The following LURAP1 variants were observed in gnomAD, a reference collection of about 807,000 sequenced individuals.
LURAP1 encodes leucine rich adaptor protein 1.
Under a neutral mutation model 19.0 loss-of-function variants are expected in LURAP1, and 14 were observed. The ratio of observed to expected loss-of-function variants is 0.74; its 90% CI spans 0.49 to 1.15. The LOEUF is 1.15. LURAP1 is among the 50% of genes most tolerant of loss of function. The probability of loss-of-function intolerance (pLI) is 0.00; values close to 1 mark genes in which losing one functional copy is unlikely to be tolerated. For missense variants in LURAP1, 273 were observed against 309.1 expected (o/e 0.88, Z 0.87); for synonymous variants, 129 against 131.8 (o/e 0.98, Z 0.14).
intron 1 of LURAP1, among the ~76,000 whole-genome samples, chr1:46,204,405 C>T (rs879730656): frequency 2.0e-5 from 3 of 152,178 alleles, no homozygotes; most frequent in Admixed American, 2.0e-4. Context: ...TCCCCAGGGC[C>T]CTGATTCCGG....
chr1:46,210,278 T>G (rs191074544), intron 1 of LURAP1, among the ~76,000 whole-genome samples: 69 of 152,294 alleles, frequency 4.5e-4, no homozygotes, highest in Middle Eastern at 3.4e-3. Context: ...GTGTGTGTGT[T>G]TTTTTAATTT....
chr1:46,217,281 A>G (rs1178901925), intron 1 of LURAP1, among the ~76,000 whole-genome samples: 1 of 152,202 alleles, frequency 6.6e-6, no homozygotes, highest in Non-Finnish European at 1.5e-5. Flanking sequence ...AGAACGTGTC[A>G]TGCATTCAAA....
At chr1:46,215,752 T>C (rs574808521) in intron 1 of LURAP1, among the ~76,000 whole-genome samples, 10 of 152,108 alleles carry the variant, frequency 6.6e-5, no homozygotes, top group South Asian at 2.1e-4. Flanking sequence ...ATTTAAAAAT[T>C]AGCCAGGTGT....
In LURAP1 at chr1:46,219,849, G is replaced by A. The variant is rs369272827; in HGVS notation, c.349G>A (p.Gly117Arg). ...CAGCAGTCAATATAGCCTGACAGGC[G>A]GGAGCCCAGGCCGCTCAAGGCGAGG... ...LTSSQYSLTG[G>R]SPGRSRRGSW... Residue 117 changes from glycine to arginine, a missense_variant, in exon 2 of 2, where the codon GGG (glycine) becomes AGG (arginine). Coordinates refer to ENST00000371980, the MANE Select transcript of LURAP1 (RefSeq NM_001013615.3). The A allele has an allele frequency of 8.7e-5, 140 of 1,613,988 alleles. No homozygotes were observed. Among genetic ancestry groups the A allele is most frequent in the Non-Finnish European group, 1.1e-4 (131 of 1,180,010 alleles).
At chr1:46,212,680 G>C (rs1160676124) in intron 1 of LURAP1, among the ~76,000 whole-genome samples, 1 of 151,970 alleles carries the variant, frequency 6.6e-6, no homozygotes, top group African/African-American at 2.4e-5. Flanking sequence ...GGGTTCAAGT[G>C]ATTCTCCTGC....
At chr1:46,219,134 A>G (rs1222570548) in intron 1 of LURAP1, among the ~76,000 whole-genome samples, 1 of 151,964 alleles carries the variant, frequency 6.6e-6, no homozygotes, top group East Asian at 1.9e-4. Context: ...TGTCTCTACT[A>G]AAAATACAAA....
At position 46,220,611 on chromosome 1, in the gene LURAP1, A is replaced by T. The variant is rs567793221; in HGVS notation, c.*391A>T. 1.4e-4 allele frequency: 22 copies of T among 152,120 alleles called. No homozygotes were observed. Among genetic ancestry groups the T allele is most frequent in the Middle Eastern group, 3.4e-3 (1 of 292 alleles). The allele number at this position is 152,120 out of a possible 1,614,324, so 9.4% of individuals were successfully genotyped here. A position where few individuals can be genotyped will look rare whatever the true frequency, so the allele number is the denominator to read the frequency against. On this transcript the variant is annotated 3_prime_UTR_variant, in exon 2 of 2. Coordinates refer to ENST00000371980, the MANE Select transcript of LURAP1 (RefSeq NM_001013615.3). ...TGCCCAGCTAATTGTTTATTTATTT[A>T]TTTTTTTTTTGTAGAGATAGGGTTT...
chr1:46,205,571 T>C (rs1459176349), intron 1 of LURAP1, among the ~76,000 whole-genome samples: 1 of 152,218 alleles, frequency 6.6e-6, no homozygotes, highest in African/African-American at 2.4e-5. Flanking sequence ...CCACGCCCAG[T>C]CTCTGGCTCT....
At chr1:46,206,119 A>G (rs1658706782) in intron 1 of LURAP1, among the ~76,000 whole-genome samples, 1 of 152,228 alleles carries the variant, frequency 6.6e-6, no homozygotes. Context: ...AACTGTTGCT[A>G]TGACAACCCA....
chr1:46,216,043 CT>C (rs141982741), intron 1 of LURAP1, among the ~76,000 whole-genome samples: 16,893 of 90,848 alleles, frequency 0.19, 279 homozygotes, highest in African/African-American at 0.23. Flanking sequence ...TTTATTTTAT[CT>C]TTTTTTTTTT....
intron 1 of LURAP1, among the ~76,000 whole-genome samples, chr1:46,207,593 C>A (rs1398059764): frequency 6.6e-6 from 1 of 151,416 alleles, no homozygotes; most frequent in African/African-American, 2.4e-5. Context: ...GGCTGGAGTG[C>A]AGTGGTGCGA....
At chr1:46,217,394 G>T (rs1239719329) in intron 1 of LURAP1, among the ~76,000 whole-genome samples, 2 of 144,736 alleles carry the variant, frequency 1.4e-5, no homozygotes, top group Non-Finnish European at 3.1e-5. Context: ...TAATTCTAAG[G>T]ATAAAATGTT....
intron 1 of LURAP1, among the ~76,000 whole-genome samples, chr1:46,206,388 C>CCTA (rs796925089): frequency 1.9e-4 from 29 of 152,088 alleles, no homozygotes; most frequent in African/African-American, 7.0e-4. Context: ...AGGCTTTTAC[C>CCTA]CTAGGGCCTG....
chr1:46,203,439 G>A lies in LURAP1; in HGVS notation c.13G>A (p.Val5Met). The A allele has an allele frequency of 1.4e-6, 2 of 1,476,160 alleles. No individual in the cohort carries two copies. Among genetic ancestry groups the A allele is most frequent in the Non-Finnish European group, 1.8e-6 (2 of 1,113,174 alleles). 91.4% of individuals were successfully genotyped at this position (1,476,160 alleles called of 1,614,324 possible). A position where few individuals can be genotyped will look rare whatever the true frequency, so the allele number is the denominator to read the frequency against. ...GGCTTGGGCCCGCATGGAGGGGACC[G>A]TGGAGTCCCAGACGCCTGACCTGCG... Reference protein sequence around the residue: MEGTVESQTPDLRDV... With the variant: MEGTMESQTPDLRDV... The change falls in exon 1 of 2, where the codon GTG becomes ATG. Residue 5 changes from valine (V) to methionine (M), a missense_variant. Transcript: ENST00000371980.
Position 46,219,853 on chromosome 1 carries a change from G to GCCTGT in LURAP1, c.355_356insTGTCC (p.Pro119LeufsTer59). The stretch of plus-strand genomic sequence containing the variant: ...AGTCAATATAGCCTGACAGGCGGGA[G>GCCTGT]CCCAGGCCGCTCAAGGCGAGGCAGC... On this transcript the variant is annotated frameshift_variant, in exon 2 of 2. Coordinates refer to ENST00000371980, the MANE Select transcript of LURAP1 (RefSeq NM_001013615.3). LOFTEE classifies it high-confidence loss of function. The GCCTGT allele has an allele frequency of 6.2e-7, 1 of 1,614,038 alleles. No homozygotes were observed. The highest frequency in any genetic ancestry group is 8.5e-7 in the Non-Finnish European group (1 of 1,179,962).
At chr1:46,213,957 G>C (rs1485675240) in intron 1 of LURAP1, among the ~76,000 whole-genome samples, 1 of 152,012 alleles carries the variant, frequency 6.6e-6, no homozygotes, top group Non-Finnish European at 1.5e-5. Flanking sequence ...ATACATACAC[G>C]GTTTCTAGTC....
intron 1 of LURAP1, among the ~76,000 whole-genome samples, chr1:46,207,590 G>A (rs976804040): frequency 6.6e-6 from 1 of 151,166 alleles, no homozygotes; most frequent in African/African-American, 2.4e-5. Flanking sequence ...CCAGGCTGGA[G>A]TGCAGTGGTG....
intron 1 of LURAP1, among the ~76,000 whole-genome samples, chr1:46,213,310 A>G (rs541491896): frequency 6.5e-4 from 83 of 127,958 alleles, no homozygotes; most frequent in African/African-American, 2.1e-3. Flanking sequence ...TCAAGTAGGG[A>G]TTGATATTCA....
intron 1 of LURAP1, among the ~76,000 whole-genome samples, chr1:46,205,147 A>T (rs1250530937): frequency 6.6e-6 from 1 of 152,004 alleles, no homozygotes; most frequent in African/African-American, 2.4e-5. Context: ...AGTCCTAGCT[A>T]CTCTGGAGGC....
Sources: gnomAD v4.1 joint callset for allele counts (sites outside exome capture counted in the v4.1 genomes callset) on GRCh38, gnomAD v4.1.1 for gene constraint, MANE v1.5 for transcripts, NCBI Gene and HGNC (gene_info 2026-07-23, HGNC 2026-07-21) for gene names.